Variants in MRPL48 observed in about 807,000 individuals in gnomAD.
MRPL48 encodes mitochondrial ribosomal protein L48.
MRPL48 carries 16 observed loss-of-function variants against 32.9 expected under a neutral mutation model. The ratio of observed to expected loss-of-function variants is 0.49; its 90% CI spans 0.33 to 0.74. MRPL48 has a LOEUF of 0.74. Among genes scored for constraint, MRPL48 ranks in the 30% least tolerant of loss-of-function variants. MRPL48 has a pLI of 0.02. For missense variants in MRPL48, 206 were observed against 245.3 expected (o/e 0.84, Z 1.07); for synonymous variants, 94 against 89.2 (o/e 1.05, Z -0.31).
intron 1 of MRPL48, 70 bp downstream of exon 1, chr11:73,788,062 G>A: frequency 6.5e-7 from 1 of 1,529,546 alleles, no homozygotes; most frequent in Admixed American, 1.8e-5. Context: ...GATGGCGGAG[G>A]GTGCAGAGCG....
chr11:73,830,323 C>T (rs1718112968), intron 4 of MRPL48, among the ~76,000 whole-genome samples: 1 of 152,126 alleles, frequency 6.6e-6, no homozygotes, highest in South Asian at 2.1e-4. Context: ...TTGGATGCTC[C>T]CTTTGTTTAG....
rs180998715 is a variant in MRPL48 at position 73,827,452 on chromosome 11, T to C, written c.201+1656T>C. Among the ~76,000 whole-genome samples the C allele has an allele frequency of 3.1e-3, 472 of 152,312 alleles. 6 individuals carry two copies. Among genetic ancestry groups the C allele is most frequent in the African/African-American group, 0.011 (465 of 41,562 alleles). ...ATCACAGGTAAGTGGATATTAGTTC[T>C]AAGCATTATGAAATTATTTAGCCCA... On this transcript the variant is annotated intron_variant, in intron 4 of 7. Coordinates refer to ENST00000310614, the MANE Select transcript of MRPL48 (RefSeq NM_016055.6).
chr11:73,840,690 C>T (rs1258758283), intron 4 of MRPL48, among the ~76,000 whole-genome samples: 2 of 151,766 alleles, frequency 1.3e-5, no homozygotes, highest in Admixed American at 6.6e-5. Context: ...AGTAGAGGCG[C>T]GGTTTCACCA....
intron 3 of MRPL48, chr11:73,817,886 C>T: frequency 3.3e-6 from 1 of 304,542 alleles, no homozygotes; most frequent in Non-Finnish European, 6.8e-6. Context: ...CTCCCTGCAG[C>T]CTCGAACTCC....
At position 73,825,355 on chromosome 11, in the gene MRPL48, A is replaced by G. The variant is rs1947868361; in HGVS notation, c.113-353A>G. On this transcript the variant is annotated intron_variant, in intron 3 of 7. Transcript: ENST00000310614. ...ATTTTTTTTTCTTTTTTAAATTTGT[A>G]GTCCAAGCTAGGTGTGGTGGCTCAC... is the stretch of plus-strand genomic sequence containing the variant. 2.1e-5 allele frequency among the ~76,000 whole-genome samples: 3 copies of G among 145,964 alleles called. No individual in the cohort carries two copies. The South Asian group carries it at 6.6e-4, about 32-fold the overall frequency.
chr11:73,859,811 T>C (rs972141872), intron 5 of MRPL48, 96 bp from the exon 6 acceptor site: 2 of 985,038 alleles, frequency 2.0e-6, no homozygotes, highest in East Asian at 2.5e-5. Flanking sequence ...CCGGGAACTA[T>C]TGCATGCCAT....
chr11:73,853,673 A>G (rs1274760066), intron 5 of MRPL48, among the ~76,000 whole-genome samples: 1 of 138,156 alleles, frequency 7.2e-6, no homozygotes, highest in African/African-American at 2.7e-5. Context: ...GGAATTAGAG[A>G]TAGCTTCTTT....
intron 4 of MRPL48, among the ~76,000 whole-genome samples, chr11:73,831,708 A>G (rs915554161): frequency 6.6e-6 from 1 of 152,088 alleles, no homozygotes; most frequent in African/African-American, 2.4e-5. Flanking sequence ...TGGGAGGCCG[A>G]GGGGGGAGGA....
chr11:73,840,908 A>G (rs1422192959), intron 4 of MRPL48, among the ~76,000 whole-genome samples: 1 of 152,216 alleles, frequency 6.6e-6, no homozygotes, highest in Non-Finnish European at 1.5e-5. Context: ...TTTAGAATAT[A>G]TAAAGAGCCT....
intron 5 of MRPL48, among the ~76,000 whole-genome samples, chr11:73,849,396 C>T (rs956844036): frequency 1.3e-5 from 2 of 152,236 alleles, no homozygotes; most frequent in Admixed American, 1.3e-4. Flanking sequence ...CTTGGCCTCC[C>T]AAAGTGCTGG....
intron 5 of MRPL48, among the ~76,000 whole-genome samples, chr11:73,851,505 T>G (rs1277553153): frequency 3.9e-5 from 6 of 152,314 alleles, no homozygotes; most frequent in Non-Finnish European, 7.4e-5. Context: ...AGTACTTCAG[T>G]TCTAAAAATG....
intron 4 of MRPL48, among the ~76,000 whole-genome samples, chr11:73,826,123 C>T (rs2135012661): frequency 6.6e-6 from 1 of 151,194 alleles, no homozygotes; most frequent in Middle Eastern, 3.5e-3. Context: ...CTCAAGTGAT[C>T]CTCCCACCTG....
chr11:73,835,043 G>A (rs1023633665), intron 4 of MRPL48, among the ~76,000 whole-genome samples: 1 of 151,400 alleles, frequency 6.6e-6, no homozygotes, highest in African/African-American at 2.4e-5. Flanking sequence ...ATGTTGCCCA[G>A]GCTTGTCTCA....
At chr11:73,863,826 C>A (rs1229241171) in intron 7 of MRPL48, among the ~76,000 whole-genome samples, 1 of 152,054 alleles carries the variant, frequency 6.6e-6, no homozygotes, top group African/African-American at 2.4e-5. Flanking sequence ...AGATTGGTAC[C>A]ATTTGCTCCA....
intron 3 of MRPL48, among the ~76,000 whole-genome samples, chr11:73,811,444 G>GA (rs1947564955): frequency 7.5e-6 from 1 of 134,178 alleles, no homozygotes; most frequent in Admixed American, 7.4e-5. Flanking sequence ...GTGAAGGAGA[G>GA]GTTTTTTTAA....
chr11:73,863,112 G>A, intron 6 of MRPL48, 60 bp from the exon 7 acceptor site: 1 of 1,431,658 alleles, frequency 7.0e-7, no homozygotes, highest in Non-Finnish European at 9.6e-7. Context: ...TACCATGTCT[G>A]CCCAGTTACC....
At chr11:73,798,002 C>T (rs1418754917) in intron 1 of MRPL48, among the ~76,000 whole-genome samples, 1 of 152,158 alleles carries the variant, frequency 6.6e-6, no homozygotes, top group African/African-American at 2.4e-5. Context: ...CATAAGGACC[C>T]AATCCAAAGG....
At chr11:73,808,200 G>A (rs2134968997) in intron 2 of MRPL48, 113 bp from the exon 3 acceptor site, 3 of 1,047,984 alleles carry the variant, frequency 2.9e-6, no homozygotes, top group Non-Finnish European at 4.2e-6. Flanking sequence ...AGGAAAGAAG[G>A]AGTAAGGAAA....
At chr11:73,820,683 T>C (rs1947762537) in intron 3 of MRPL48, among the ~76,000 whole-genome samples, 2 of 152,202 alleles carry the variant, frequency 1.3e-5, no homozygotes, top group Admixed American at 1.3e-4. Context: ...TTTCATCCAG[T>C]ACACTTCTAT....
Sources: allele counts gnomAD v4.1 joint callset (sites outside exome capture counted in the v4.1 genomes callset), GRCh38; gene constraint gnomAD v4.1.1; transcripts MANE v1.5; gene names NCBI Gene and HGNC (gene_info 2026-07-23, HGNC 2026-07-21).